The following CFDP1 variants were observed in gnomAD, a reference collection of about 807,000 sequenced individuals.
The protein encoded by CFDP1 is heterochromatin-stabilizing protein CFDP1.
Under a neutral mutation model 40.1 loss-of-function variants are expected in CFDP1, and 31 were observed. The observed-to-expected ratio is 0.77, with a 90% CI of 0.58 to 1.04. CFDP1 has a LOEUF of 1.04. Among genes scored for constraint, CFDP1 ranks in the 50% least tolerant of loss-of-function variants. The pLI is 0.00. For synonymous variants in CFDP1, 167 were observed against 120.0 expected (o/e 1.39, Z -2.56); for missense variants, 423 against 343.4 (o/e 1.23, Z -1.83).
chr16:75,402,835 G>A (rs1374240385), intron 4 of CFDP1, among the ~76,000 whole-genome samples: 2 of 152,038 alleles, frequency 1.3e-5, no homozygotes, highest in Non-Finnish European at 2.9e-5. Flanking sequence ...AAAAAATCCT[G>A]TCAACATGCC....
intron 6 of CFDP1, among the ~76,000 whole-genome samples, chr16:75,303,142 G>C (rs1239944439): frequency 6.7e-6 from 1 of 149,728 alleles, no homozygotes; most frequent in African/African-American, 2.5e-5. Flanking sequence ...AGAGGTTGCA[G>C]TGACCCAAGA....
In CFDP1 at chr16:75,293,905, C is replaced by G; in HGVS notation, c.*47G>C. 1 of 1,469,802 alleles carries G rather than the reference C, an allele frequency of 6.8e-7. No homozygotes were observed. Among genetic ancestry groups the G allele is most frequent in the Non-Finnish European group, 9.5e-7 (1 of 1,051,104 alleles). 91.0% of individuals were successfully genotyped at this position (1,469,802 alleles called of 1,614,324 possible). A position where few individuals can be genotyped will look rare whatever the true frequency, so the allele number is the denominator to read the frequency against. ...AAACATTTCACAGACGCACAAAAAG[C>G]TCACATTGTAAACAGGATTAAGCTG... On this transcript the variant is annotated 3_prime_UTR_variant, in exon 7 of 7. Transcript: ENST00000283882.
At chr16:75,371,734 T>G (rs1189674701) in intron 5 of CFDP1, among the ~76,000 whole-genome samples, 1 of 152,186 alleles carries the variant, frequency 6.6e-6, no homozygotes, top group African/African-American at 2.4e-5. Context: ...AATTTCAGTC[T>G]TGGTGTATTC....
chr16:75,379,312 G>A (rs1263217298), intron 5 of CFDP1, among the ~76,000 whole-genome samples: 2 of 148,984 alleles, frequency 1.3e-5, no homozygotes, highest in African/African-American at 2.5e-5. Context: ...CAATAAAATC[G>A]ACAAACGTCT....
intron 2 of CFDP1, among the ~76,000 whole-genome samples, chr16:75,413,509 C>T (rs565200720): frequency 2.7e-5 from 4 of 146,686 alleles, no homozygotes; most frequent in East Asian, 2.0e-4. Flanking sequence ...GCAGAGATCA[C>T]GCCACTGCAC....
chr16:75,433,487 T>C lies in CFDP1; in HGVS notation c.-135A>G. On this transcript the variant is annotated 5_prime_UTR_variant, in exon 1 of 7. It removes an upstream start codon present in the reference 5' UTR. Coordinates refer to ENST00000283882, the MANE Select transcript of CFDP1 (RefSeq NM_006324.3). ...GCGGCCCCCGACAGCGCTTTGCACA[T>C]GCGCAGAGAGTACTACGTGGTTGCC... is the stretch of plus-strand genomic sequence containing the variant. The C allele has an allele frequency of 1.3e-6, 1 of 759,512 alleles. No homozygotes were observed. Among genetic ancestry groups the C allele is most frequent in the South Asian group, 1.6e-5 (1 of 62,972 alleles). 47.0% of individuals were successfully genotyped at this position (759,512 alleles called of 1,614,324 possible).
intron 5 of CFDP1, among the ~76,000 whole-genome samples, chr16:75,375,335 TAAG>T (rs1398490920): frequency 4.6e-5 from 7 of 152,164 alleles, no homozygotes; most frequent in East Asian, 3.8e-4. Flanking sequence ...ATTCAGAATA[TAAG>T]AAGAACTCCT....
At chr16:75,382,500 T>C (rs1007427430) in intron 5 of CFDP1, among the ~76,000 whole-genome samples, 7 of 152,162 alleles carry the variant, frequency 4.6e-5, no homozygotes, top group African/African-American at 1.4e-4. Flanking sequence ...GTTAGCCCAA[T>C]AGGAAAGCTG....
intron 5 of CFDP1, among the ~76,000 whole-genome samples, chr16:75,369,739 T>C (rs996471392): frequency 6.6e-6 from 1 of 152,182 alleles, no homozygotes; most frequent in Non-Finnish European, 1.5e-5. Context: ...ACCAACACTT[T>C]ACTTACTTAC....
chr16:75,411,757 A>G, intron 4 of CFDP1, 68 bp downstream of exon 4: 10 of 1,434,482 alleles, frequency 7.0e-6, no homozygotes, highest in Non-Finnish European at 9.6e-6. Context: ...ATAGATGGCT[A>G]ACACCAGTTA....
At chr16:75,337,036 G>A (rs2078493750) in intron 5 of CFDP1, among the ~76,000 whole-genome samples, 1 of 152,160 alleles carries the variant, frequency 6.6e-6, no homozygotes, top group Non-Finnish European at 1.5e-5. Context: ...CTGGTTTGCT[G>A]TCTTTGTTTA....
intron 5 of CFDP1, among the ~76,000 whole-genome samples, chr16:75,339,809 C>A (rs1567650423): frequency 6.6e-6 from 1 of 152,144 alleles, no homozygotes; most frequent in African/African-American, 2.4e-5. Context: ...TAACAGGAGC[C>A]CTTCAGCACT....
At chr16:75,300,321 C>G (rs1177531627) in intron 6 of CFDP1, among the ~76,000 whole-genome samples, 1 of 152,126 alleles carries the variant, frequency 6.6e-6, no homozygotes, top group Non-Finnish European at 1.5e-5. Context: ...GAGTTTCGCT[C>G]TTGTTGCCTA....
chr16:75,370,536 C>T (rs530518803), intron 5 of CFDP1, among the ~76,000 whole-genome samples: 2 of 152,038 alleles, frequency 1.3e-5, no homozygotes, highest in African/African-American at 4.8e-5. Context: ...TGCACATGTA[C>T]CCTAGAACTT....
At chr16:75,359,179 T>C (rs2078665644) in intron 5 of CFDP1, among the ~76,000 whole-genome samples, 1 of 152,174 alleles carries the variant, frequency 6.6e-6, no homozygotes, top group South Asian at 2.1e-4. Flanking sequence ...ATTAAAGAAA[T>C]TTACAAAATC....
chr16:75,392,336 C>G (rs2078959301), intron 5 of CFDP1, among the ~76,000 whole-genome samples: 1 of 151,382 alleles, frequency 6.6e-6, no homozygotes, highest in African/African-American at 2.4e-5. Flanking sequence ...ACCCAGGAGG[C>G]AAAGGTTGCA....
intron 4 of CFDP1, among the ~76,000 whole-genome samples, chr16:75,403,910 T>C (rs2079076744): frequency 6.6e-6 from 1 of 151,946 alleles, no homozygotes; most frequent in Non-Finnish European, 1.5e-5. Flanking sequence ...AGTGGGCGTA[T>C]CATTTGAGGT....
intron 1 of CFDP1, among the ~76,000 whole-genome samples, chr16:75,428,448 T>C (rs2079367026): frequency 6.6e-6 from 1 of 151,978 alleles, no homozygotes; most frequent in South Asian, 2.1e-4. Context: ...GCCCCGTCTC[T>C]ATTAAAATAC....
At chr16:75,388,106 G>A (rs552444554) in intron 5 of CFDP1, among the ~76,000 whole-genome samples, 1 of 152,320 alleles carries the variant, frequency 6.6e-6, no homozygotes, top group Non-Finnish European at 1.5e-5. Flanking sequence ...ATTTGGGCTG[G>A]AATCCGAGTT....
Sources: gnomAD v4.1 joint callset for allele counts (sites outside exome capture counted in the v4.1 genomes callset) on GRCh38, gnomAD v4.1.1 for gene constraint, MANE v1.5 for transcripts, NCBI Gene and HGNC (gene_info 2026-07-23, HGNC 2026-07-21) for gene names.